Variants in RGS7 observed in about 807,000 individuals in gnomAD.
RGS7 encodes regulator of G-protein signaling 7.
Under a neutral mutation model 81.1 loss-of-function variants are expected in RGS7, and 27 were observed. The observed-to-expected ratio is 0.33, with a 90% CI of 0.25 to 0.46. RGS7 has a LOEUF of 0.46. RGS7 is among the 20% of genes least tolerant of loss of function. The pLI, the probability that RGS7 is intolerant of heterozygous loss-of-function variation, is 1.00. For missense variants in RGS7, 396 were observed against 607.4 expected, an observed-to-expected ratio of 0.65 and a Z score of 3.66; for synonymous variants, 208 against 207.7, an observed-to-expected ratio of 1.00 and a Z score of -0.01.
chr1:240,964,769 CA>C (rs1572026456), intron 4 of RGS7, among the ~76,000 whole-genome samples: 1 of 152,092 alleles, frequency 6.6e-6, no homozygotes, highest in Non-Finnish European at 1.5e-5. Flanking sequence ...TGTGACCAAC[CA>C]AAAGTGTATT....
chr1:241,013,104 C>T (rs989967461), intron 3 of RGS7, among the ~76,000 whole-genome samples: 5 of 140,860 alleles, frequency 3.5e-5, no homozygotes, highest in Non-Finnish European at 7.5e-5. Context: ...ACTCTGTTGC[C>T]CAGGCTGGAA....
At chr1:241,141,711 A>T (rs1165949563) in intron 2 of RGS7, among the ~76,000 whole-genome samples, 1 of 152,182 alleles carries the variant, frequency 6.6e-6, no homozygotes, top group Admixed American at 6.5e-5. Context: ...CCACGTGGGA[A>T]TTATGGGAAC....
intron 2 of RGS7, among the ~76,000 whole-genome samples, chr1:241,130,774 G>T (rs191849659): frequency 5.4e-5 from 8 of 147,898 alleles, no homozygotes; most frequent in Admixed American, 5.3e-4. Context: ...AACCTCTAAG[G>T]ATTGGATTTG....
chr1:241,277,276 A>G (rs112333760), intron 2 of RGS7, among the ~76,000 whole-genome samples: 57 of 152,312 alleles, frequency 3.7e-4, no homozygotes, highest in Admixed American at 7.2e-4. Flanking sequence ...GTTTACCGCA[A>G]TATATATCTG....
chr1:241,058,691 G>GA (rs1553404211), intron 3 of RGS7, among the ~76,000 whole-genome samples: 1 of 152,190 alleles, frequency 6.6e-6, no homozygotes, highest in Non-Finnish European at 1.5e-5. Context: ...GTGTAAAGAC[G>GA]ATGTTCATCT....
intron 3 of RGS7, among the ~76,000 whole-genome samples, chr1:241,087,605 A>G (rs1241733665): frequency 6.6e-6 from 1 of 152,294 alleles, no homozygotes. Flanking sequence ...TGAGTTTATA[A>G]TTATAAAATG....
intron 9 of RGS7, among the ~76,000 whole-genome samples, chr1:240,835,239 A>G (rs1034798327): frequency 6.6e-6 from 1 of 152,258 alleles, no homozygotes; most frequent in African/African-American, 2.4e-5. Context: ...CTTAAAACCC[A>G]ACAATAAGAA....
intron 2 of RGS7, among the ~76,000 whole-genome samples, chr1:241,264,809 C>A (rs10926446): frequency 0.75 from 113,354 of 152,110 alleles, 42,347 homozygotes; most frequent in Admixed American, 0.83. Flanking sequence ...ATAAACACAC[C>A]AACAGGTCAG....
rs573800338 is a variant in RGS7, at chr1:241,250,455, A to C, written c.78+105244T>G. ...TAGGAGTCGCCAATGTAAACCTGTT[A>C]ATATTGTGGGATTTTTTTTTTTTTG... On this transcript the variant is annotated intron_variant, in intron 2 of 18. Coordinates refer to ENST00000440928, the MANE Select transcript of RGS7 (RefSeq NM_001364886.1). 2.6e-5 allele frequency among the ~76,000 whole-genome samples: 4 copies of C among 152,154 alleles called. No individual in the cohort carries two copies. The East Asian group carries it at 7.7e-4, about 29-fold the overall frequency.
intron 9 of RGS7, among the ~76,000 whole-genome samples, chr1:240,848,657 T>A: frequency 6.7e-6 from 1 of 150,032 alleles, no homozygotes. Flanking sequence ...GAAAGAAACC[T>A]AACAAGAAAT....
In RGS7 at chr1:240,827,119, T is replaced by C; in HGVS notation, c.663A>G (p.Arg221=). ...EVDIKKSSRM[R]NPHKTRKSVY... Reference sequence around the variant, plus strand: ...TTACCTTCCGTGTTTTGTGGGGGTTTCTCATTCTGGATGACTTCTTAATGT... The same window carrying C: ...TTACCTTCCGTGTTTTGTGGGGGTTCCTCATTCTGGATGACTTCTTAATGT... The change falls in exon 10 of 19, where the codon AGA becomes AGG. Residue 221 remains arginine (R), a synonymous_variant. Transcript: ENST00000440928. 6.2e-7 allele frequency: 1 copy of C among 1,613,882 alleles called. No homozygotes were observed.
At chr1:241,014,350 C>A (rs1190501828) in intron 3 of RGS7, among the ~76,000 whole-genome samples, 1 of 152,270 alleles carries the variant, frequency 6.6e-6, no homozygotes, top group Admixed American at 6.5e-5. Flanking sequence ...GTCCAACAAC[C>A]AGGTGGCATT....
chr1:240,892,067 G>A (rs546368910), intron 6 of RGS7, among the ~76,000 whole-genome samples: 2 of 152,108 alleles, frequency 1.3e-5, no homozygotes, highest in South Asian at 2.1e-4. Context: ...GTAGTTTATG[G>A]TTTTTATTCC....
chr1:241,032,655 T>C (rs764068743), intron 3 of RGS7, among the ~76,000 whole-genome samples: 1 of 151,966 alleles, frequency 6.6e-6, no homozygotes, highest in Non-Finnish European at 1.5e-5. Flanking sequence ...TTGTGTCAAT[T>C]TCTTTCATCA....
chr1:241,190,990 T>G (rs991174596), intron 2 of RGS7, among the ~76,000 whole-genome samples: 1 of 149,872 alleles, frequency 6.7e-6, no homozygotes, highest in African/African-American at 2.4e-5. Flanking sequence ...CTATTGCCAT[T>G]TTTTTTTTTT....
At chr1:241,259,425 C>T (rs1299460538) in intron 2 of RGS7, among the ~76,000 whole-genome samples, 1 of 151,468 alleles carries the variant, frequency 6.6e-6, no homozygotes, top group Non-Finnish European at 1.5e-5. Flanking sequence ...GAGGCTGAGG[C>T]GGGTGGATCA....
intron 2 of RGS7, among the ~76,000 whole-genome samples, chr1:241,119,994 CTG>C (rs2066139096): frequency 6.6e-6 from 1 of 152,242 alleles, no homozygotes; most frequent in Admixed American, 6.5e-5. Context: ...ATCTTCCACA[CTG>C]TGGTCCGAGT....
At chr1:240,801,654 G>C (rs983347071) in intron 16 of RGS7, 146 bp from the exon 17 acceptor site, 1 of 701,200 alleles carries the variant, frequency 1.4e-6, no homozygotes, top group South Asian at 1.6e-5. Context: ...GGCCCATAGA[G>C]GTTGGAGAGC....
chr1:241,136,569 A>AAGG (rs991964436), intron 2 of RGS7, among the ~76,000 whole-genome samples: 4 of 152,184 alleles, frequency 2.6e-5, no homozygotes, highest in Admixed American at 1.3e-4. Context: ...CTTGAGCTAT[A>AAGG]GTCACAAAGC....
Sources: gnomAD v4.1 joint callset for allele counts (sites outside exome capture counted in the v4.1 genomes callset) on GRCh38, gnomAD v4.1.1 for gene constraint, MANE v1.5 for transcripts, NCBI Gene and HGNC (gene_info 2026-07-23, HGNC 2026-07-21) for gene names.